ITPR3: variants seen among roughly 807,000 people sequenced by gnomAD.
ITPR3 encodes the protein inositol 1,4,5-trisphosphate receptor type 3.
In ITPR3, 173 loss-of-function variants were observed where a neutral mutation model predicts 293.2. The ratio of observed to expected loss-of-function variants is 0.59; its 90% confidence interval spans 0.52 to 0.67. The LOEUF is 0.67. Ranked by LOEUF, ITPR3 falls within the 30% of genes least tolerant of loss-of-function variation. The probability of loss-of-function intolerance (pLI) is 0.00; values close to 1 mark genes in which losing one functional copy is unlikely to be tolerated. For missense variants in ITPR3, 2,796 were observed against 3,592.1 expected (o/e 0.78, Z 5.66); for synonymous variants, 1,295 against 1,444.4 (o/e 0.90, Z 2.35).
chr6:33,635,075 TC>T (rs1243087576), intron 1 of ITPR3, among the ~76,000 whole-genome samples: 1 of 152,188 alleles, frequency 6.6e-6, no homozygotes, highest in African/African-American at 2.4e-5. Context: ...TCAAAATTCA[TC>T]CATCCTGTGT....
rs55958712 is a variant in ITPR3, at chr6:33,661,992, G to GAAAAAAAAAAAAAAAAAAAA, written c.712-530_712-511dup. On this transcript the variant is annotated intron_variant, in intron 7 of 57. Coordinates refer to ENST00000605930, the MANE Select transcript of ITPR3 (RefSeq NM_002224.4). Reference sequence around the variant, plus strand: ...CCTGGGCAACAGAGTGACTGTCTCTGAAAAAAAAAAAAAAAAAAAAAAAAA... The same window carrying GAAAAAAAAAAAAAAAAAAAA: ...CCTGGGCAACAGAGTGACTGTCTCTGAAAAAAAAAAAAAAAAAAAAAAAAAAAAAAAAAAAAAAAAAAAAA... 3.0e-4 allele frequency among the ~76,000 whole-genome samples: 14 copies of GAAAAAAAAAAAAAAAAAAAA among 47,192 alleles called. 4 individuals carry two copies. Among genetic ancestry groups the GAAAAAAAAAAAAAAAAAAAA allele is most frequent in the South Asian group, 2.5e-3 (2 of 814 alleles). The allele number at this position is 47,192 out of a possible 152,430, so 31.0% of individuals were successfully genotyped here.
At chr6:33,660,036 G>C (rs1764422069) in intron 7 of ITPR3, among the ~76,000 whole-genome samples, 1 of 152,148 alleles carries the variant, frequency 6.6e-6, no homozygotes, top group Non-Finnish European at 1.5e-5. Flanking sequence ...GGGAGGCCTG[G>C]GAAATACTGC....
intron 2 of ITPR3, among the ~76,000 whole-genome samples, chr6:33,653,150 C>A (rs1764230819): frequency 6.6e-6 from 1 of 152,158 alleles, no homozygotes; most frequent in African/African-American, 2.4e-5. Flanking sequence ...TCAAGCGAAC[C>A]TCCTGCCTCA....
In ITPR3 at chr6:33,692,642, A is replaced by G; in HGVS notation, c.7459-86A>G. ...TGCTAGGGGCTGGGTCCTCAATATCACAGCCCTGGCCCCAACCTGAGTCCT... is the reference window on the plus strand; with the variant it reads ...TGCTAGGGGCTGGGTCCTCAATATCGCAGCCCTGGCCCCAACCTGAGTCCT... On this transcript the variant is annotated intron_variant, in intron 54 of 57. Transcript: ENST00000605930. The surrounding 1 kb of genome is among the most constrained non-coding windows in gnomAD (Gnocchi z 4.2). The G allele has an allele frequency of 4.4e-6, 6 of 1,377,600 alleles. No homozygotes were observed. The highest frequency in any genetic ancestry group is 5.0e-6 in the Non-Finnish European group (5 of 996,896). 85.3% of individuals were successfully genotyped at this position (1,377,600 alleles called of 1,614,324 possible).
intron 2 of ITPR3, among the ~76,000 whole-genome samples, chr6:33,651,433 G>A (rs1049499230): frequency 5.9e-5 from 9 of 152,146 alleles, no homozygotes; most frequent in African/African-American, 1.7e-4. Context: ...TGAACCATCT[G>A]GGGGATTCCA....
Position 33,667,748 on chromosome 6 carries a change from C to A in ITPR3, c.1714-44C>A. The A allele has an allele frequency of 1.2e-6, 2 of 1,608,194 alleles. No individual in the cohort carries two copies. The highest frequency in any genetic ancestry group is 1.1e-5 in the South Asian group (1 of 90,332). On this transcript the variant is annotated intron_variant, in intron 15 of 57. Coordinates refer to ENST00000605930, the MANE Select transcript of ITPR3 (RefSeq NM_002224.4). The surrounding 1 kb of genome is among the most constrained non-coding windows in gnomAD (Gnocchi z 4.4). ...TCCAGAGCAGAGCTGGGCCCTTGGC[C>A]CACCTGTGACTCTCTGTGACCCCCA...
chr6:33,622,285 C>T (rs531312006), intron 1 of ITPR3, among the ~76,000 whole-genome samples: 2 of 152,174 alleles, frequency 1.3e-5, no homozygotes, highest in Non-Finnish European at 2.9e-5. Context: ...TTTCCTGCGC[C>T]GGTCATCTGG....
rs1765016857 is a variant in ITPR3 at position 33,679,828 on chromosome 6, G to A, written c.3973-54G>A. On this transcript the variant is annotated intron_variant, in intron 30 of 57. Transcript: ENST00000605930. The surrounding 1 kb of genome is among the most constrained non-coding windows in gnomAD (Gnocchi z 4.2). ...TCCCTGGTAAGCAACGGAGAGGAGAGCCCAGGGCTTGCTGGACCGAGAGAG... is the reference window on the plus strand; with the variant it reads ...TCCCTGGTAAGCAACGGAGAGGAGAACCCAGGGCTTGCTGGACCGAGAGAG... The A allele has an allele frequency of 1.9e-6, 3 of 1,569,902 alleles. No individual in the cohort carries two copies. The highest frequency in any genetic ancestry group is 1.7e-5 in the Admixed American group (1 of 57,962).
At chr6:33,693,463 G>C in intron 55 of ITPR3, 82 bp from the exon 56 acceptor site, 1 of 1,488,744 alleles carries the variant, frequency 6.7e-7, no homozygotes, top group Non-Finnish European at 9.3e-7. Context: ...TCCAACCCCC[G>C]GAAGCTGGGT....
At chr6:33,650,040 C>T (rs956384228) in intron 2 of ITPR3, among the ~76,000 whole-genome samples, 19 of 152,212 alleles carry the variant, frequency 1.2e-4, no homozygotes, top group Admixed American at 1.0e-3. Context: ...GTACACACCC[C>T]GGGACACACA....
intron 2 of ITPR3, among the ~76,000 whole-genome samples, chr6:33,651,820 T>A (rs1203392616): frequency 6.6e-6 from 1 of 152,236 alleles, no homozygotes; most frequent in Non-Finnish European, 1.5e-5. Context: ...CTCAGCCCTG[T>A]CGGACCTGGA....
At position 33,670,223 on chromosome 6, in the gene ITPR3, T is replaced by A; in HGVS notation, c.2190-102T>A. ...TGCAGCTGGCGCATCTTTAACCTAA[T>A]CCCTTTGCCACTTTACTGAGTCCTC... is the stretch of plus-strand genomic sequence containing the variant. On this transcript the variant is annotated intron_variant, in intron 18 of 57. Coordinates refer to ENST00000605930, the MANE Select transcript of ITPR3 (RefSeq NM_002224.4). This position sits in a 1 kb window ranked among gnomAD's most constrained non-coding sequence, Gnocchi z 6.7. 7.8e-7 allele frequency: 1 copy of A among 1,275,208 alleles called. No individual in the cohort carries two copies. Among genetic ancestry groups the A allele is most frequent in the Non-Finnish European group, 1.1e-6 (1 of 896,706 alleles). The allele number at this position is 1,275,208 out of a possible 1,614,324, so 79.0% of individuals were successfully genotyped here.
chr6:33,666,122 T>C lies in ITPR3; in HGVS notation c.1551+146T>C, dbSNP rs1764603611. On this transcript the variant is annotated intron_variant, in intron 14 of 57. Transcript: ENST00000605930. The surrounding 1 kb of genome is among the most constrained non-coding windows in gnomAD (Gnocchi z 5.1). ...CAGGGACTTCCCTAAGTACCCCACA[T>C]GTGTTGACGAATTTGATCCTCACTG... 1.1e-6 allele frequency: 1 copy of C among 896,750 alleles called. No individual in the cohort carries two copies. The highest frequency in any genetic ancestry group is 2.8e-5 in the East Asian group (1 of 36,108). The allele number at this position is 896,750 out of a possible 1,614,324, so 55.5% of individuals were successfully genotyped here.
At chr6:33,634,305 G>C (rs1161348534) in intron 1 of ITPR3, among the ~76,000 whole-genome samples, 3 of 152,104 alleles carry the variant, frequency 2.0e-5, no homozygotes, top group Admixed American at 2.0e-4. Flanking sequence ...AGGTGGCAAG[G>C]TGCCACCTCT....
In ITPR3 at chr6:33,686,102, A is replaced by C; in HGVS notation, c.5717A>C (p.Glu1906Ala). 3 of 1,614,172 alleles carry C rather than the reference A, an allele frequency of 1.9e-6. No individual in the cohort carries two copies. Among genetic ancestry groups the C allele is most frequent in the Non-Finnish European group, 2.5e-6 (3 of 1,180,044 alleles). Reference protein sequence around the residue: ...NNKTNYNLVCETLQFLDIMCG... With the variant: ...NNKTNYNLVCATLQFLDIMCG... ...AAAACCAACTACAACTTGGTATGCG[A>C]GACGCTGCAGTTCCTGGACATCATG... Residue 1906 changes from glutamate to alanine, a missense_variant, in exon 42 of 58, where the codon GAG becomes GCG. Physicochemically the swap from Glu to Ala is moderately radical, Grantham distance 107. Coordinates refer to ENST00000605930, the MANE Select transcript of ITPR3 (RefSeq NM_002224.4).
rs766572140 is a variant in ITPR3, at chr6:33,683,345, T to C, written c.4736T>C (p.Val1579Ala). The C allele has an allele frequency of 3.1e-6, 5 of 1,596,068 alleles. No homozygotes were observed. In the African/African-American group the frequency reaches 4.0e-5, roughly 13 times the overall value. ...YKATTRAFPR[V>A]TPTANQWDYK... The stretch of plus-strand genomic sequence containing the variant: ...GCAACCACGCGGGCCTTCCCCCGCG[T>C]CACCCCCACCGCCAACCAGTGGGAC... Residue 1579 changes from valine to alanine, a missense_variant, in exon 35 of 58, where the codon GTC becomes GCC. This residue lies in a region of ITPR3 where 704 missense variants were observed against 797.5 expected (regional missense o/e 0.88). Coordinates refer to ENST00000605930, the MANE Select transcript of ITPR3 (RefSeq NM_002224.4). The surrounding 1 kb of genome is among the most constrained non-coding windows in gnomAD (Gnocchi z 4.5).
At chr6:33,626,438 G>T (rs1350961382) in intron 1 of ITPR3, among the ~76,000 whole-genome samples, 1 of 152,198 alleles carries the variant, frequency 6.6e-6, no homozygotes, top group Non-Finnish European at 1.5e-5. Context: ...AAGTTCTCCA[G>T]GTGGTTTTAA....
In ITPR3 at chr6:33,688,772, G is replaced by C. The variant is rs746167275; in HGVS notation, c.6685G>C (p.Ala2229Pro). The C allele has an allele frequency of 1.2e-6, 2 of 1,614,176 alleles. No homozygotes were observed. Among genetic ancestry groups the C allele is most frequent in the Non-Finnish European group, 1.7e-6 (2 of 1,180,022 alleles). ...IAFFYPYMEG[A>P]STGVLDSPLI... ...CTTCTTCTACCCTTACATGGAGGGC[G>C]CGTCCACAGGTGAGAACACAGGGCT... Residue 2229 changes from alanine (A) to proline (P), a missense_variant, in exon 49 of 58, where the codon GCG becomes CCG. Around this residue, in one of 8 missense-constraint regions of ITPR3, gnomAD observed 568 missense variants for 796.1 expected, o/e 0.71. Coordinates refer to ENST00000605930, the MANE Select transcript of ITPR3 (RefSeq NM_002224.4).
chr6:33,622,174 C>T (rs1763453584), intron 1 of ITPR3, among the ~76,000 whole-genome samples: 1 of 151,950 alleles, frequency 6.6e-6, no homozygotes, highest in Admixed American at 6.5e-5. Flanking sequence ...ACAGCTCTCT[C>T]CCTGTTCTTC....
Sources: allele counts gnomAD v4.1 joint callset (sites outside exome capture counted in the v4.1 genomes callset), GRCh38; gene constraint gnomAD v4.1.1; regional missense constraint gnomAD v4.1.1; non-coding constraint Gnocchi (gnomAD v3.1); transcripts MANE v1.5; gene names NCBI Gene and HGNC (gene_info 2026-07-23, HGNC 2026-07-21).